The following CEP350 variants were observed in gnomAD, a reference collection of about 807,000 sequenced individuals.
The protein encoded by CEP350 is centrosomal protein 350, also known as centrosome-associated protein 350.
Under a neutral mutation model 331.8 loss-of-function variants are expected in CEP350, and 126 were observed. The observed-to-expected ratio is 0.38, with a 90% CI of 0.33 to 0.44. The LOEUF is 0.44. Ranked by LOEUF, CEP350 falls within the 20% of genes least tolerant of loss-of-function variation. CEP350 has a pLI of 1.00. For missense variants in CEP350, 3,406 were observed against 3,634.6 expected (o/e 0.94, Z 1.62); for synonymous variants, 1,200 against 1,259.5 (o/e 0.95, Z 1.00).
intron 16 of CEP350, among the ~76,000 whole-genome samples, chr1:180,034,720 T>G (rs1656240889): frequency 1.3e-5 from 2 of 152,176 alleles, no homozygotes. Flanking sequence ...GAGGGCAGAC[T>G]TAGTGGATCA....
intron 1 of CEP350, among the ~76,000 whole-genome samples, chr1:179,973,084 G>T (rs1017889659): frequency 1.3e-4 from 19 of 151,892 alleles, no homozygotes; most frequent in African/African-American, 4.6e-4. Context: ...AGCCAGGATG[G>T]TCTTGATCTC....
intron 17 of CEP350, 107 bp from the exon 18 acceptor site, chr1:180,041,031 A>G: frequency 2.6e-6 from 2 of 761,830 alleles, no homozygotes; most frequent in Non-Finnish European, 2.1e-6. Context: ...GGTTCTAATT[A>G]GTTGCTTCAA....
intron 8 of CEP350, among the ~76,000 whole-genome samples, chr1:180,011,589 C>G (rs1013532668): frequency 5.3e-5 from 8 of 152,016 alleles, no homozygotes; most frequent in African/African-American, 1.9e-4. Context: ...TTATAGGCAC[C>G]CTCCACACAC....
intron 30 of CEP350, among the ~76,000 whole-genome samples, chr1:180,083,090 C>T (rs544468538): frequency 3.4e-4 from 52 of 152,294 alleles, no homozygotes; most frequent in African/African-American, 1.1e-3. Context: ...AGCTCTTACA[C>T]GGTTTAATCT....
intron 5 of CEP350, among the ~76,000 whole-genome samples, chr1:179,993,654 G>C (rs1442832200): frequency 6.6e-6 from 1 of 151,916 alleles, no homozygotes; most frequent in African/African-American, 2.4e-5. Context: ...GAACTCATGG[G>C]GTGGTCTTGA....
chr1:180,054,358 A>G, intron 24 of CEP350, 57 bp from the exon 25 acceptor site: 1 of 1,355,528 alleles, frequency 7.4e-7, no homozygotes, highest in Non-Finnish European at 1.0e-6. Context: ...TCTTGACATT[A>G]TTCAGGTAAG....
At chr1:179,985,332 C>T (rs1168766507) in intron 1 of CEP350, among the ~76,000 whole-genome samples, 1 of 152,118 alleles carries the variant, frequency 6.6e-6, no homozygotes, top group African/African-American at 2.4e-5. Context: ...TATCAGATTT[C>T]CTTCCTTTTA....
At chr1:180,008,367 C>T (rs1328113374) in intron 8 of CEP350, among the ~76,000 whole-genome samples, 1 of 152,106 alleles carries the variant, frequency 6.6e-6, no homozygotes, top group Non-Finnish European at 1.5e-5. Context: ...GTATTTATCC[C>T]ACAGGGTTGT....
chr1:179,965,119 C>A (rs1463089087), intron 1 of CEP350, among the ~76,000 whole-genome samples: 2 of 152,010 alleles, frequency 1.3e-5, no homozygotes, highest in African/African-American at 4.8e-5. Flanking sequence ...TCATTTGTTT[C>A]AAAGAATTTT....
At chr1:180,027,977 TTAACC>T (rs1233996265) in intron 14 of CEP350, among the ~76,000 whole-genome samples, 1 of 152,222 alleles carries the variant, frequency 6.6e-6, no homozygotes, top group Non-Finnish European at 1.5e-5. Flanking sequence ...TTTTAAATCA[TTAACC>T]TAATATAAAC....
At chr1:179,962,399 T>C (rs191372083) in intron 1 of CEP350, among the ~76,000 whole-genome samples, 11 of 150,252 alleles carry the variant, frequency 7.3e-5, no homozygotes, top group Admixed American at 6.6e-4. Flanking sequence ...TACTGTTTTT[T>C]GTTTGTTTGT....
intron 17 of CEP350, among the ~76,000 whole-genome samples, chr1:180,040,517 G>A (rs954239671): frequency 3.3e-5 from 5 of 151,670 alleles, no homozygotes; most frequent in Non-Finnish European, 7.4e-5. Context: ...TGAACTCCTG[G>A]CCTCAAGTGA....
intron 22 of CEP350, chr1:180,052,227 C>CG (rs1558128215): frequency 1.5e-5 from 7 of 453,930 alleles, no homozygotes; most frequent in Admixed American, 4.7e-5. Flanking sequence ...TTTTAAGAGA[C>CG]GGGGTCTTGC....
chr1:180,006,590 T>A, intron 8 of CEP350, 23 bp downstream of exon 8: 2 of 1,135,176 alleles, frequency 1.8e-6, no homozygotes, highest in South Asian at 1.4e-5. Flanking sequence ...AACATGTCCA[T>A]CCTTTTTTTT....
intron 24 of CEP350, 123 bp from the exon 25 acceptor site, chr1:180,054,292 G>T (rs1487429804): frequency 1.2e-6 from 1 of 816,188 alleles, no homozygotes; most frequent in African/African-American, 1.7e-5. Flanking sequence ...TGTAGCAACT[G>T]CTTTTCACAT....
At chr1:179,984,939 C>G (rs1219596130) in intron 1 of CEP350, among the ~76,000 whole-genome samples, 1 of 152,150 alleles carries the variant, frequency 6.6e-6, no homozygotes, top group Admixed American at 6.6e-5. Context: ...ATGGGCAGAT[C>G]ATGATCTTTC....
intron 16 of CEP350, among the ~76,000 whole-genome samples, chr1:180,036,315 T>A (rs1384017830): frequency 2.0e-5 from 3 of 152,270 alleles, no homozygotes; most frequent in Non-Finnish European, 4.4e-5. Context: ...GATAAAGCAG[T>A]GGCAGGGTTT....
intron 1 of CEP350, among the ~76,000 whole-genome samples, chr1:179,981,594 A>C (rs1220594248): frequency 6.6e-6 from 1 of 152,230 alleles, no homozygotes; most frequent in Non-Finnish European, 1.5e-5. Context: ...ACTTTAACAC[A>C]TTATGTTTAA....
intron 13 of CEP350, 100 bp downstream of exon 13, chr1:180,022,948 A>T: frequency 9.0e-7 from 1 of 1,109,280 alleles, no homozygotes. Flanking sequence ...CTCATTTAAA[A>T]ATACATATAG....
Sources: allele counts gnomAD v4.1 joint callset (sites outside exome capture counted in the v4.1 genomes callset), GRCh38; gene constraint gnomAD v4.1.1; transcripts MANE v1.5; gene names NCBI Gene and HGNC (gene_info 2026-07-23, HGNC 2026-07-21).